Variants in PTPRN2 observed in about 807,000 individuals in gnomAD.
PTPRN2 encodes the protein protein tyrosine phosphatase receptor type N2.
PTPRN2 carries 74 observed loss-of-function variants against 118.8 expected under a neutral mutation model. That is an observed-to-expected ratio of 0.62 (90% CI 0.52 to 0.76). PTPRN2 has a LOEUF of 0.76. Ranked by LOEUF, PTPRN2 falls within the 30% of genes least tolerant of loss-of-function variation. The pLI is 0.00. For missense variants in PTPRN2, 1,481 were observed against 1,394.4 expected (o/e 1.06, Z -0.99); for synonymous variants, 641 against 608.0 (o/e 1.05, Z -0.80).
In PTPRN2 at chr7:158,225,658, G is replaced by C. The variant is rs112346547; in HGVS notation, c.278-20385C>G. On this transcript the variant is annotated intron_variant, in intron 3 of 22. Coordinates refer to ENST00000389418, the MANE Select transcript of PTPRN2 (RefSeq NM_002847.5). ...TGCAATCATTATATAATAAAGTTATGAGCAAACTGCTAAGGGAATAGAGAA... is the reference window on the plus strand; with the variant it reads ...TGCAATCATTATATAATAAAGTTATCAGCAAACTGCTAAGGGAATAGAGAA... Among the ~76,000 whole-genome samples, 194 of 152,326 alleles carry C rather than the reference G, an allele frequency of 1.3e-3. 1 individual carries two copies. Among genetic ancestry groups the C allele is most frequent in the African/African-American group, 4.4e-3 (182 of 41,568 alleles).
intron 10 of PTPRN2, among the ~76,000 whole-genome samples, chr7:158,095,280 C>T (rs745996340): frequency 1.1e-4 from 17 of 150,512 alleles, no homozygotes; most frequent in Non-Finnish European, 2.1e-4. Flanking sequence ...CTAGTATTGA[C>T]GGTGTAGGTC....
intron 2 of PTPRN2, among the ~76,000 whole-genome samples, chr7:158,406,706 T>G (rs1401088088): frequency 6.6e-6 from 1 of 152,206 alleles, no homozygotes; most frequent in East Asian, 1.9e-4. Flanking sequence ...GAAGACTACC[T>G]CTCATCCCCA....
intron 5 of PTPRN2, among the ~76,000 whole-genome samples, chr7:158,171,282 TA>T (rs1823618636): frequency 5.2e-5 from 1 of 19,308 alleles, no homozygotes. Flanking sequence ...TATACACACA[TA>T]TATATACACA....
intron 2 of PTPRN2, among the ~76,000 whole-genome samples, chr7:158,423,792 T>G (rs1484160781): frequency 6.6e-6 from 1 of 152,156 alleles, no homozygotes; most frequent in African/African-American, 2.4e-5. Flanking sequence ...ATTACAGGCA[T>G]GAGCCACCAC....
rs146305351 is a variant in PTPRN2, at chr7:158,150,779, G to A, written c.911-12264C>T. ...TGAGACGCTGCGTATCTGCAGCACC[G>A]CGACCCAGCACTCCTCTCCCTCCGT... On this transcript the variant is annotated intron_variant, in intron 6 of 22. Transcript: ENST00000389418. 1.1e-4 allele frequency among the ~76,000 whole-genome samples: 17 copies of A among 151,780 alleles called. 1 individual carries two copies. The East Asian group carries it at 1.7e-3, about 16-fold the overall frequency.
chr7:157,861,706 G>A lies in PTPRN2; in HGVS notation c.1788+36967C>T, dbSNP rs1056751379. Among the ~76,000 whole-genome samples the A allele has an allele frequency of 2.0e-5, 3 of 152,190 alleles. No individual in the cohort carries two copies. The highest frequency in any genetic ancestry group is 4.4e-5 in the Non-Finnish European group (3 of 68,024). On this transcript the variant is annotated intron_variant, in intron 12 of 22. Transcript: ENST00000389418. This position sits in a 1 kb window ranked among gnomAD's most constrained non-coding sequence, Gnocchi z 5.8. The stretch of plus-strand genomic sequence containing the variant: ...TCTGCAGGGCCTTGAAGGGGACACC[G>A]ACCCTTCCTGACTCCCAGCCTCTGC...
chr7:157,996,464 C>G (rs1299991268), intron 11 of PTPRN2, among the ~76,000 whole-genome samples: 1 of 152,246 alleles, frequency 6.6e-6, no homozygotes, highest in Non-Finnish European at 1.5e-5. Context: ...TCAGATAGAT[C>G]TTTGCTTTCC....
At chr7:158,213,327 T>A (rs1827743689) in intron 3 of PTPRN2, among the ~76,000 whole-genome samples, 1 of 152,052 alleles carries the variant, frequency 6.6e-6, no homozygotes, top group Admixed American at 6.6e-5. Context: ...ATATAAGCTA[T>A]CTTCATGAAC....
At chr7:157,701,125 A>ATT (rs369385722) in intron 12 of PTPRN2, among the ~76,000 whole-genome samples, 3 of 151,740 alleles carry the variant, frequency 2.0e-5, no homozygotes, top group East Asian at 3.9e-4. Context: ...GAATTCATGC[A>ATT]TTTTTTTTTC....
chr7:158,062,874 C>A (rs115329659), intron 11 of PTPRN2, among the ~76,000 whole-genome samples: 3,339 of 152,240 alleles, frequency 0.022, 90 homozygotes, highest in African/African-American at 0.066. Context: ...GGCTCCTGTG[C>A]GGCCTGAGCC....
chr7:158,061,463 G>A (rs1810335017), intron 11 of PTPRN2, among the ~76,000 whole-genome samples: 1 of 152,174 alleles, frequency 6.6e-6, no homozygotes, highest in Admixed American at 6.5e-5. Flanking sequence ...GCTCGGCAGA[G>A]AAATGGACCG....
At chr7:157,717,534 C>T (rs765331884) in intron 12 of PTPRN2, among the ~76,000 whole-genome samples, 17 of 152,360 alleles carry the variant, frequency 1.1e-4, no homozygotes, top group Middle Eastern at 6.8e-3. Flanking sequence ...TAGTTGGCAA[C>T]GTTGTTCAGC....
chr7:158,556,649 G>A (rs1827015799), intron 1 of PTPRN2, among the ~76,000 whole-genome samples: 2 of 152,224 alleles, frequency 1.3e-5, no homozygotes, highest in Middle Eastern at 3.2e-3. Flanking sequence ...GTAGAGGATA[G>A]ACAGAACAAA....
intron 4 of PTPRN2, among the ~76,000 whole-genome samples, chr7:158,199,265 A>T (rs1826446046): frequency 6.6e-6 from 1 of 152,224 alleles, no homozygotes; most frequent in South Asian, 2.1e-4. Context: ...CTTAGCCTTT[A>T]GCATGTTCTC....
chr7:158,001,683 C>G (rs964854651), intron 11 of PTPRN2, among the ~76,000 whole-genome samples: 1 of 152,170 alleles, frequency 6.6e-6, no homozygotes, highest in African/African-American at 2.4e-5. Flanking sequence ...GTCATGATGC[C>G]AACTCCCAAT....
intron 13 of PTPRN2, among the ~76,000 whole-genome samples, chr7:157,681,637 G>A (rs1796920857): frequency 6.6e-6 from 1 of 152,186 alleles, no homozygotes; most frequent in Admixed American, 6.5e-5. Flanking sequence ...CTTATGTGGG[G>A]GAGGGTCCTG....
At chr7:157,568,578 G>A (rs141794353) in intron 21 of PTPRN2, among the ~76,000 whole-genome samples, 1 of 152,310 alleles carries the variant, frequency 6.6e-6, no homozygotes, top group East Asian at 1.9e-4. Context: ...TGAGGTTAAC[G>A]CTGCAGCGTA....
chr7:158,316,046 A>T (rs1160951523), intron 3 of PTPRN2, among the ~76,000 whole-genome samples: 1 of 152,200 alleles, frequency 6.6e-6, no homozygotes, highest in Non-Finnish European at 1.5e-5. Flanking sequence ...GTCAGCCACC[A>T]CAAAGACCAT....
chr7:157,799,876 A>G (rs1805131832), intron 12 of PTPRN2, among the ~76,000 whole-genome samples: 1 of 124,680 alleles, frequency 8.0e-6, no homozygotes. Context: ...TCCATCCCTC[A>G]GAGGCACCAC....
Sources: allele counts gnomAD v4.1 joint callset (sites outside exome capture counted in the v4.1 genomes callset), GRCh38; gene constraint gnomAD v4.1.1; non-coding constraint Gnocchi (gnomAD v3.1); transcripts MANE v1.5; gene names NCBI Gene and HGNC (gene_info 2026-07-23, HGNC 2026-07-21).